Variants in LUZP2 observed in about 807,000 individuals in gnomAD.
The protein encoded by LUZP2 is leucine zipper protein 2.
Under a neutral mutation model 51.6 loss-of-function variants are expected in LUZP2, and 52 were observed. That is an observed-to-expected ratio of 1.01 (90% CI 0.81 to 1.27). The LOEUF is 1.27. Among genes scored for constraint, LUZP2 ranks in the 50% most tolerant of loss-of-function variants. LUZP2 has a pLI of 0.00. For missense variants in LUZP2, 436 were observed against 395.4 expected, an observed-to-expected ratio of 1.10 and a Z score of -0.87; for synonymous variants, 154 against 137.3, an observed-to-expected ratio of 1.12 and a Z score of -0.85.
chr11:24,937,879 C>T (rs555861785), intron 7 of LUZP2, among the ~76,000 whole-genome samples: 9 of 145,428 alleles, frequency 6.2e-5, no homozygotes, highest in Admixed American at 2.8e-4. Context: ...CCAGCCTGGG[C>T]GACAGGGCAA....
chr11:24,844,796 C>G lies in LUZP2; in HGVS notation c.397-61195C>G, dbSNP rs535346872. On this transcript the variant is annotated intron_variant, in intron 5 of 11. Coordinates refer to ENST00000336930, the MANE Select transcript of LUZP2 (RefSeq NM_001009909.4). ...ACTCGGGCCATGGCTTCAGAGGGTACAAGCCCCAAGTCTTGGCAGCTTCCA... is the reference window on the plus strand; with the variant it reads ...ACTCGGGCCATGGCTTCAGAGGGTAGAAGCCCCAAGTCTTGGCAGCTTCCA... 3.3e-5 allele frequency among the ~76,000 whole-genome samples: 5 copies of G among 152,306 alleles called. No individual in the cohort carries two copies. In the East Asian group the frequency reaches 9.7e-4, roughly 29 times the overall value.
At chr11:24,993,921 T>A (rs1442921734) in intron 9 of LUZP2, among the ~76,000 whole-genome samples, 2 of 152,018 alleles carry the variant, frequency 1.3e-5, no homozygotes, top group Non-Finnish European at 2.9e-5. Context: ...AGTGCAGTGG[T>A]GCAAACTTGG....
intron 8 of LUZP2, among the ~76,000 whole-genome samples, chr11:24,982,622 G>A (rs931087024): frequency 3.3e-5 from 5 of 151,714 alleles, no homozygotes; most frequent in African/African-American, 1.2e-4. Flanking sequence ...GATGAGAGAA[G>A]GGAGAAGAGT....
At chr11:25,044,253 GTGTGTATATATATA>G (rs1186637161) in intron 9 of LUZP2, among the ~76,000 whole-genome samples, 2 of 31,802 alleles carry the variant, frequency 6.3e-5, no homozygotes, top group Admixed American at 6.3e-4. Context: ...GTGTGTGTGT[GTGTGTATATATATA>G]TATATATATA....
chr11:24,761,139 T>C (rs778804063), intron 4 of LUZP2, among the ~76,000 whole-genome samples: 9 of 152,136 alleles, frequency 5.9e-5, no homozygotes, highest in Non-Finnish European at 1.0e-4. Context: ...GACTGGGTAA[T>C]TTATAAAGAA....
At chr11:25,014,122 G>A (rs1857068137) in intron 9 of LUZP2, among the ~76,000 whole-genome samples, 1 of 152,110 alleles carries the variant, frequency 6.6e-6, no homozygotes, top group African/African-American at 2.4e-5. Flanking sequence ...GTGTATATGT[G>A]CCACATTTTC....
At chr11:24,895,855 A>T (rs1853025311) in intron 5 of LUZP2, among the ~76,000 whole-genome samples, 1 of 152,194 alleles carries the variant, frequency 6.6e-6, no homozygotes. Context: ...ATCTTTGGGC[A>T]GTAATGGGAT....
chr11:24,622,989 T>G (rs1195397620), intron 1 of LUZP2, among the ~76,000 whole-genome samples: 1 of 152,164 alleles, frequency 6.6e-6, no homozygotes, highest in Non-Finnish European at 1.5e-5. Flanking sequence ...GTTTTCTTGA[T>G]GCAAATGTTA....
chr11:24,977,027 T>C (rs1254581350), intron 8 of LUZP2, among the ~76,000 whole-genome samples: 1 of 151,826 alleles, frequency 6.6e-6, no homozygotes, highest in East Asian at 1.9e-4. Flanking sequence ...AGGAAGTAAT[T>C]ATTGGCATCA....
rs61439379 is a variant in LUZP2 at position 24,600,174 on chromosome 11, A to AAC, written c.62+102912_62+102913dup. On this transcript the variant is annotated intron_variant, in intron 1 of 11. Transcript: ENST00000336930. ...CAAGAGGATATATAATGTAGATTAC[A>AAC]ACACACACACACACACACACACACA... Among the ~76,000 whole-genome samples, 1,243 of 144,238 alleles carry AAC rather than the reference A, an allele frequency of 8.6e-3. 17 individuals carry two copies. The highest frequency in any genetic ancestry group is 0.028 in the African/African-American group (1,077 of 38,882). The allele number at this position is 144,238 out of a possible 152,430, so 94.6% of individuals were successfully genotyped here. A position where few individuals can be genotyped will look rare whatever the true frequency, so the allele number is the denominator to read the frequency against.
At chr11:24,701,864 A>G (rs1857430898) in intron 1 of LUZP2, among the ~76,000 whole-genome samples, 1 of 152,190 alleles carries the variant, frequency 6.6e-6, no homozygotes, top group African/African-American at 2.4e-5. Flanking sequence ...TCGTTTTTAT[A>G]ACCTGTAATA....
intron 1 of LUZP2, among the ~76,000 whole-genome samples, chr11:24,542,614 CAAAAT>C (rs1851407853): frequency 6.6e-6 from 1 of 150,770 alleles, no homozygotes; most frequent in Non-Finnish European, 1.5e-5. Flanking sequence ...ATCAATGAAA[CAAAAT>C]AATATGGGTG....
At chr11:25,044,257 G>A (rs201218654) in intron 9 of LUZP2, among the ~76,000 whole-genome samples, 24,298 of 57,420 alleles carry the variant, frequency 0.42, 3,903 homozygotes, top group Non-Finnish European at 0.59. Flanking sequence ...GTGTGTGTGT[G>A]TATATATATA....
chr11:24,771,537 C>T (rs1335632493), intron 5 of LUZP2, among the ~76,000 whole-genome samples: 1 of 151,128 alleles, frequency 6.6e-6, no homozygotes, highest in Non-Finnish European at 1.5e-5. Flanking sequence ...CAGGACTTTG[C>T]ATATATTGAG....
chr11:24,959,089 G>A (rs1395473418), intron 7 of LUZP2, among the ~76,000 whole-genome samples: 1 of 151,920 alleles, frequency 6.6e-6, no homozygotes, highest in East Asian at 1.9e-4. Context: ...ATTTCTGAGG[G>A]CTCTGTTCTG....
intron 5 of LUZP2, among the ~76,000 whole-genome samples, chr11:24,774,995 A>G (rs886337528): frequency 2.6e-5 from 4 of 151,320 alleles, no homozygotes; most frequent in East Asian, 3.9e-4. Context: ...GGAATATTAC[A>G]TAACAGGTGA....
At chr11:25,065,540 A>C (rs1008470849) in intron 10 of LUZP2, among the ~76,000 whole-genome samples, 4 of 152,028 alleles carry the variant, frequency 2.6e-5, no homozygotes, top group African/African-American at 9.7e-5. Flanking sequence ...TAGTAGATTT[A>C]AGAATTTAAA....
At chr11:24,614,911 A>T (rs1854237932) in intron 1 of LUZP2, among the ~76,000 whole-genome samples, 1 of 151,944 alleles carries the variant, frequency 6.6e-6, no homozygotes, top group Non-Finnish European at 1.5e-5. Flanking sequence ...TATCACAAGC[A>T]TCCAGAACAG....
intron 1 of LUZP2, among the ~76,000 whole-genome samples, chr11:24,699,362 G>GT (rs376404962): frequency 2.0e-5 from 3 of 151,840 alleles, no homozygotes; most frequent in Admixed American, 6.6e-5. Flanking sequence ...TCCCTGCATA[G>GT]TTTTTTTCAT....
Sources: allele counts gnomAD v4.1 joint callset (sites outside exome capture counted in the v4.1 genomes callset), GRCh38; gene constraint gnomAD v4.1.1; transcripts MANE v1.5; gene names NCBI Gene and HGNC (gene_info 2026-07-23, HGNC 2026-07-21).